The following RSBN1 variants were observed in gnomAD, a reference collection of about 807,000 sequenced individuals.
The protein encoded by RSBN1 is round spermatid basic protein 1.
In RSBN1, 23 loss-of-function variants were observed where a neutral mutation model predicts 74.8. That is an observed-to-expected ratio of 0.31 (90% CI 0.22 to 0.44). RSBN1 has a LOEUF of 0.44. Among genes scored for constraint, RSBN1 ranks in the 20% least tolerant of loss-of-function variants. The pLI is 1.00. For synonymous variants in RSBN1, 407 were observed against 379.6 expected (o/e 1.07, Z -0.84); for missense variants, 808 against 1,020.9 (o/e 0.79, Z 2.84).
In RSBN1 at chr1:113,811,974, G is replaced by A; in HGVS notation, c.439C>T (p.Pro147Ser). 6.4e-7 allele frequency: 1 copy of A among 1,570,984 alleles called. No individual in the cohort carries two copies. Among genetic ancestry groups the A allele is most frequent in the Non-Finnish European group, 8.6e-7 (1 of 1,158,078 alleles). The change falls in exon 1 of 7, where the codon CCG becomes TCG. Residue 147 changes from proline to serine, a missense_variant. Physicochemically the swap from Pro to Ser is moderately conservative, Grantham distance 74. Coordinates refer to ENST00000261441, the MANE Select transcript of RSBN1 (RefSeq NM_018364.5). Reference sequence around the variant, plus strand: ...CCGGCGGGTGCCAGCGAAGGTGGCGGCGGAGGCGGCAGGAGAAGAGGCTCA... The same window carrying A: ...CCGGCGGGTGCCAGCGAAGGTGGCGACGGAGGCGGCAGGAGAAGAGGCTCA... ...PVEPLLLPPP[P>S]PPSLAPAGPA... is the part of the protein sequence containing the mutation.
intron 2 of RSBN1, among the ~76,000 whole-genome samples, chr1:113,795,922 T>C (rs188419283): frequency 6.6e-5 from 10 of 152,292 alleles, no homozygotes; most frequent in Admixed American, 2.0e-4. Flanking sequence ...TTCTCAGAAA[T>C]GCTTGTTGGT....
rs759947490 is a variant in RSBN1, at chr1:113,797,770, T to C, written c.970A>G (p.Met324Val). 14 of 1,614,056 alleles carry C rather than the reference T, an allele frequency of 8.7e-6. No homozygotes were observed. The Middle Eastern group carries it at 1.3e-3, about 152-fold the overall frequency. The change falls in exon 2 of 7, where the codon ATG becomes GTG. Residue 324 changes from methionine (M) to valine (V), a missense_variant. Coordinates refer to ENST00000261441, the MANE Select transcript of RSBN1 (RefSeq NM_018364.5). Reference protein sequence around the residue: ...DEQLCRLNLGMQEYRVPQGVQ... With the variant: ...DEQLCRLNLGVQEYRVPQGVQ... ...CCCTGGGGTACCCGATATTCTTGCA[T>C]ACCCAAATTTAATCGGCACAGCTGT...
At chr1:113,766,768 T>C (rs1659788299) in intron 6 of RSBN1, among the ~76,000 whole-genome samples, 1 of 152,208 alleles carries the variant, frequency 6.6e-6, no homozygotes, top group African/African-American at 2.4e-5. Flanking sequence ...ATGTTTTCTT[T>C]TCTTTTAGTG....
rs1039319392 is a variant in RSBN1, at chr1:113,812,250, C to T, written c.163G>A (p.Ala55Thr). Residue 55 changes from alanine to threonine, a missense_variant, in exon 1 of 7, where the codon GCG becomes ACG. This residue lies in a region of RSBN1 where 464 missense variants were observed against 401.0 expected (regional missense o/e 1.16). Transcript: ENST00000261441. ...GCCACCGCCCGTACTACGCGCACCG[C>T]TCCGACCTGCGCAGCCATTTCACCC... Reference protein sequence around the residue: ...FVGEMAAQVGAVRVVRAVAAQ... With the variant: ...FVGEMAAQVGTVRVVRAVAAQ... 1.2e-6 allele frequency: 2 copies of T among 1,606,222 alleles called. No individual in the cohort carries two copies. Among genetic ancestry groups the T allele is most frequent in the Non-Finnish European group, 1.7e-6 (2 of 1,179,868 alleles).
At chr1:113,769,421 C>T (rs1482058669) in intron 4 of RSBN1, among the ~76,000 whole-genome samples, 2 of 151,974 alleles carry the variant, frequency 1.3e-5, no homozygotes, top group Admixed American at 6.6e-5. Context: ...AAGTAAAAGT[C>T]TTCAAACCAA....
In RSBN1 at chr1:113,768,347, G is replaced by A. The variant is rs960914700; in HGVS notation, c.1701C>T (p.Thr567=). The part of the protein sequence containing the change: ...EIKNLQYLPR[T]SEPREVLFED... ...CAAAGAGAACTTCGCGGGGTTCACT[G>A]GTCCGAGGTAGGTACTGGAGATTTT... The change falls in exon 5 of 7, where the codon ACC becomes ACT. Residue 567 remains threonine, a synonymous_variant. Coordinates refer to ENST00000261441, the MANE Select transcript of RSBN1 (RefSeq NM_018364.5). 7.4e-6 allele frequency: 12 copies of A among 1,611,066 alleles called. No individual in the cohort carries two copies. The highest frequency in any genetic ancestry group is 1.0e-5 in the Non-Finnish European group (12 of 1,178,310).
At chr1:113,810,015 C>T (rs1010802705) in intron 1 of RSBN1, among the ~76,000 whole-genome samples, 2 of 152,120 alleles carry the variant, frequency 1.3e-5, no homozygotes, top group Admixed American at 1.3e-4. Flanking sequence ...TAAATTATTA[C>T]ACATGTTATT....
chr1:113,805,857 G>C (rs910501919), intron 1 of RSBN1, among the ~76,000 whole-genome samples: 2 of 152,148 alleles, frequency 1.3e-5, no homozygotes, highest in African/African-American at 4.8e-5. Flanking sequence ...CTAAAGAGCC[G>C]AACAGCAGGC....
At chr1:113,781,030 C>T (rs1390998740) in intron 2 of RSBN1, among the ~76,000 whole-genome samples, 1 of 152,090 alleles carries the variant, frequency 6.6e-6, no homozygotes, top group Non-Finnish European at 1.5e-5. Flanking sequence ...ATCCCTCTCT[C>T]ATAAACACAC....
Position 113,811,906 on chromosome 1 carries a change from G to A in RSBN1, c.507C>T (p.Ala169=), listed in dbSNP as rs1660862550. 2 of 1,609,782 alleles carry A rather than the reference G, an allele frequency of 1.2e-6. No individual in the cohort carries two copies. The highest frequency in any genetic ancestry group is 1.7e-6 in the Non-Finnish European group (2 of 1,177,858). Residue 169 remains alanine (A), a synonymous_variant, in exon 1 of 7, where the codon GCC becomes GCT. Coordinates refer to ENST00000261441, the MANE Select transcript of RSBN1 (RefSeq NM_018364.5). ...AAPLPAPSTS[A]LFTFSPLTVS... is the part of the protein sequence containing the mutation. The stretch of plus-strand genomic sequence containing the variant: ...CCGTCAGAGGCGAGAAGGTGAAGAG[G>A]GCCGAGGTGCTTGGGGCCGGGAGAG...
At chr1:113,789,530 G>A (rs1040703530) in intron 2 of RSBN1, among the ~76,000 whole-genome samples, 38 of 152,316 alleles carry the variant, frequency 2.5e-4, no homozygotes, top group African/African-American at 7.9e-4. Context: ...TGAACTCAAA[G>A]AGGGGATCGT....
rs758748551 is a variant in RSBN1 at position 113,768,233 on chromosome 1, T to C, written c.1815A>G (p.Gln605=). 32 of 1,606,924 alleles carry C rather than the reference T, an allele frequency of 2.0e-5. No individual in the cohort carries two copies. Among genetic ancestry groups the C allele is most frequent in the Admixed American group, 1.7e-4 (10 of 58,180 alleles). The change falls in exon 5 of 7, where the codon CAA becomes CAG. Residue 605 remains glutamine (Q), a synonymous_variant. Transcript: ENST00000261441. ...TAAVGVLKAV[Q]FGEWSDQPRI... ...TTCAATTAACTCACCATTCACCAAA[T>C]TGTACAGCTTTCAAAACTCCAACAG...
intron 2 of RSBN1, among the ~76,000 whole-genome samples, 173 bp downstream of exon 2, chr1:113,797,190 C>T (rs1660489143): frequency 1.3e-5 from 2 of 152,112 alleles, no homozygotes; most frequent in Admixed American, 1.3e-4. Context: ...AGAAGCCCCA[C>T]CCGAACTCAG....
intron 2 of RSBN1, among the ~76,000 whole-genome samples, chr1:113,784,798 G>A (rs1660206603): frequency 6.6e-6 from 1 of 152,158 alleles, no homozygotes; most frequent in South Asian, 2.1e-4. Flanking sequence ...AAGTTTTTAT[G>A]TATCTAAACA....
rs1355037614 is a variant in RSBN1 at position 113,762,414 on chromosome 1, C to T, written c.*3566G>A. The T allele has an allele frequency of 6.6e-6, 1 of 152,432 alleles. No individual in the cohort carries two copies. Among genetic ancestry groups the T allele is most frequent in the Non-Finnish European group, 1.5e-5 (1 of 68,002 alleles). 9.4% of individuals were successfully genotyped at this position (152,432 alleles called of 1,614,324 possible). On this transcript the variant is annotated 3_prime_UTR_variant, in exon 7 of 7. Transcript: ENST00000261441. ...AGGTCCCTTACGTGCTAAAGAAAAACATTTGTACTGTGCATTTCCTCTACT... is the reference window on the plus strand; with the variant it reads ...AGGTCCCTTACGTGCTAAAGAAAAATATTTGTACTGTGCATTTCCTCTACT...
chr1:113,771,414 T>C (rs1659882734), intron 4 of RSBN1, among the ~76,000 whole-genome samples: 1 of 152,032 alleles, frequency 6.6e-6, no homozygotes, highest in Admixed American at 6.6e-5. Context: ...CATAGGTTAA[T>C]GCAGAAAAGC....
chr1:113,792,219 A>C (rs926549281), intron 2 of RSBN1, among the ~76,000 whole-genome samples: 2 of 151,824 alleles, frequency 1.3e-5, no homozygotes, highest in African/African-American at 2.4e-5. Flanking sequence ...CATAACACAC[A>C]CTCCTCTCCA....
chr1:113,801,778 A>C (rs1358802563), intron 1 of RSBN1, among the ~76,000 whole-genome samples: 2 of 152,216 alleles, frequency 1.3e-5, no homozygotes, highest in Non-Finnish European at 2.9e-5. Flanking sequence ...TCTACAGAGG[A>C]AGATACATTC....
At chr1:113,807,800 TACACACACAC>T (rs59928174) in intron 1 of RSBN1, among the ~76,000 whole-genome samples, 13 of 144,606 alleles carry the variant, frequency 9.0e-5, no homozygotes, top group African/African-American at 3.1e-4. Flanking sequence ...TGTATATGTA[TACACACACAC>T]ACACACACAC....
Sources: gnomAD v4.1 joint callset for allele counts (sites outside exome capture counted in the v4.1 genomes callset) on GRCh38, gnomAD v4.1.1 for gene constraint, gnomAD v4.1.1 regional missense constraint, MANE v1.5 for transcripts, NCBI Gene and HGNC (gene_info 2026-07-23, HGNC 2026-07-21) for gene names.